BAIAP2: variants seen among roughly 807,000 people sequenced by gnomAD.
BAIAP2 encodes the protein BAR/IMD domain-containing adapter protein 2.
Under a neutral mutation model 63.0 loss-of-function variants are expected in BAIAP2, and 18 were observed. That is an observed-to-expected ratio of 0.29 (90% confidence interval 0.20 to 0.42). The LOEUF (loss-of-function observed/expected upper bound fraction) is 0.42. BAIAP2 is among the 10% of genes least tolerant of loss of function. BAIAP2 has a pLI of 1.00. For synonymous variants in BAIAP2, 386 were observed against 307.6 expected (o/e 1.25, Z -2.67); for missense variants, 610 against 734.3 (o/e 0.83, Z 1.96).
intron 7 of BAIAP2, among the ~76,000 whole-genome samples, chr17:81,101,775 C>CAGGCAA (rs2058521747): frequency 6.6e-6 from 1 of 152,260 alleles, no homozygotes; most frequent in Admixed American, 6.5e-5. Context: ...TGGGCAGGTG[C>CAGGCAA]AGGCAAGGAC....
At chr17:81,053,349 G>A (rs922158624) in intron 1 of BAIAP2, 2 of 301,908 alleles carry the variant, frequency 6.6e-6, no homozygotes, top group South Asian at 4.4e-5. Flanking sequence ...CGGCAGCGGC[G>A]CGTCTGAGCG....
chr17:81,046,616 C>G lies in BAIAP2; in HGVS notation c.55-7052C>G, dbSNP rs1201437109. Among the ~76,000 whole-genome samples the G allele has an allele frequency of 6.6e-6, 1 of 152,080 alleles. No homozygotes were observed. The highest frequency in any genetic ancestry group is 1.5e-5 in the Non-Finnish European group (1 of 68,008). On this transcript the variant is annotated intron_variant, in intron 1 of 13. Coordinates refer to ENST00000428708, the MANE Select transcript of BAIAP2 (RefSeq NM_001144888.2). The surrounding 1 kb of genome is among the most constrained non-coding windows in gnomAD (Gnocchi z 4.5). The stretch of plus-strand genomic sequence containing the variant: ...CCGATGCTCTCTGCCCACAGAAGTC[C>G]CCCAACCCCCCTGGCAGCCAAGGGA...
At chr17:81,038,836 G>A (rs899000047) in intron 1 of BAIAP2, among the ~76,000 whole-genome samples, 1 of 152,194 alleles carries the variant, frequency 6.6e-6, no homozygotes, top group East Asian at 1.9e-4. Context: ...GACGGTGGGG[G>A]GTGGTCTCTG....
intron 13 of BAIAP2, chr17:81,109,551 G>A (rs1355532487): frequency 8.5e-5 from 84 of 985,198 alleles, no homozygotes; most frequent in East Asian, 1.1e-4. Flanking sequence ...TGGCCGCCCC[G>A]GCCCCTGTGG....
At chr17:81,047,898 G>A (rs1328463941) in intron 1 of BAIAP2, among the ~76,000 whole-genome samples, 17 of 152,248 alleles carry the variant, frequency 1.1e-4, no homozygotes, top group Admixed American at 1.0e-3. Context: ...GGATATATGT[G>A]CATGCATGGG....
Position 81,106,749 on chromosome 17 carries a change from C to T in BAIAP2, c.1342C>T (p.Gln448Ter). 1 of 1,612,600 alleles carries T rather than the reference C, an allele frequency of 6.2e-7. No homozygotes were observed. The highest frequency in any genetic ancestry group is 8.5e-7 in the Non-Finnish European group (1 of 1,179,776). ...DGSDRLHMSL[Q>*]QGKSSSTGNL... ...TCTGAGTCCCTGTCCCTACAGCCTG[C>T]AGCAAGGGAAGAGCAGCAGCACGGG... Residue 448 changes from glutamine to a stop codon, truncating the protein, a stop_gained, in exon 12 of 14, where the codon CAG becomes TAG. Coordinates refer to ENST00000428708, the MANE Select transcript of BAIAP2 (RefSeq NM_001144888.2). LOFTEE classifies it high-confidence loss of function.
intron 6 of BAIAP2, among the ~76,000 whole-genome samples, chr17:81,089,788 C>T (rs1416471105): frequency 2.0e-5 from 3 of 152,108 alleles, no homozygotes; most frequent in African/African-American, 7.2e-5. Context: ...GTGAGTGGGT[C>T]TGGGCGGGGA....
Position 81,057,964 on chromosome 17 carries a change from C to G in BAIAP2, c.214C>G (p.Leu72Val), listed in dbSNP as rs1345960849. The stretch of plus-strand genomic sequence containing the variant: ...CAGCGAGAGCCAGGGCTCCAAAGAA[C>G]TCGGTGAGACCCCCCCCCCCCCCCC... ...LASESQGSKE[L>V]GDVLFQMAEV... The change falls in exon 3 of 14, where the codon CTC becomes GTC. Residue 72 changes from leucine to valine, a missense_variant. Transcript: ENST00000428708. The G allele has an allele frequency of 1.6e-6, 2 of 1,240,274 alleles. No homozygotes were observed. The highest frequency in any genetic ancestry group is 4.4e-5 in the Admixed American group (2 of 45,350). The allele number at this position is 1,240,274 out of a possible 1,614,324, so 76.8% of individuals were successfully genotyped here.
chr17:81,041,953 A>C (rs1210286714), intron 1 of BAIAP2, among the ~76,000 whole-genome samples: 2 of 152,084 alleles, frequency 1.3e-5, no homozygotes, highest in Non-Finnish European at 2.9e-5. Flanking sequence ...CTTATTTTTC[A>C]TGAAGAGTTT....
Position 81,116,037 on chromosome 17 carries a change from G to A in BAIAP2, c.*198G>A. On this transcript the variant is annotated 3_prime_UTR_variant, in exon 14 of 14. Transcript: ENST00000428708. ...GCAGAGTGGGGCGCAGGCCCCTGAA[G>A]GGCGAGACCCAGTGGCTGGGCTGCC... 2.1e-6 allele frequency: 3 copies of A among 1,458,574 alleles called. No individual in the cohort carries two copies. The highest frequency in any genetic ancestry group is 2.7e-6 in the Non-Finnish European group (3 of 1,108,748). The allele number at this position is 1,458,574 out of a possible 1,614,324, so 90.4% of individuals were successfully genotyped here.
intron 6 of BAIAP2, among the ~76,000 whole-genome samples, chr17:81,094,965 G>A (rs892264220): frequency 1.3e-5 from 2 of 152,238 alleles, no homozygotes; most frequent in Non-Finnish European, 2.9e-5. Flanking sequence ...AGCCGCCTTG[G>A]TTTTTTCTGG....
At chr17:81,068,098 G>A (rs950554758) in intron 3 of BAIAP2, among the ~76,000 whole-genome samples, 4 of 152,238 alleles carry the variant, frequency 2.6e-5, no homozygotes, top group Admixed American at 2.6e-4. Context: ...CATGCACTTT[G>A]GGTGGTGCCA....
At position 81,059,773 on chromosome 17, in the gene BAIAP2, A is replaced by G. The variant is rs114414108; in HGVS notation, c.217+1806A>G. 4.5e-3 allele frequency among the ~76,000 whole-genome samples: 680 copies of G among 152,230 alleles called. 3 individuals carry two copies. The highest frequency in any genetic ancestry group is 0.015 in the African/African-American group (634 of 41,534). On this transcript the variant is annotated intron_variant, in intron 3 of 13. Transcript: ENST00000428708. ...GCTGAAAGAGGCATTGTCTTACCAT[A>G]ATTAACCAGGTGTTGAGGAGATGAG...
rs749893920 is a variant in BAIAP2 at position 81,090,880 on chromosome 17, C to T, written c.489+4300C>T. Among the ~76,000 whole-genome samples, 4 of 152,140 alleles carry T rather than the reference C, an allele frequency of 2.6e-5. No homozygotes were observed. The East Asian group carries it at 5.8e-4, about 22-fold the overall frequency. On this transcript the variant is annotated intron_variant, in intron 6 of 13. Coordinates refer to ENST00000428708, the MANE Select transcript of BAIAP2 (RefSeq NM_001144888.2). ...CTGGTTCCCATTGCCTTTGCAAACC[C>T]GGCCAGCGGGCTCTGTGGGACTTCT...
intron 3 of BAIAP2, among the ~76,000 whole-genome samples, chr17:81,069,624 C>T (rs993635308): frequency 9.9e-5 from 15 of 152,146 alleles, no homozygotes; most frequent in Non-Finnish European, 1.6e-4. Context: ...GTGTAGTCTG[C>T]GAGGCCCCTG....
chr17:81,035,858 T>TC (rs1324277629), intron 1 of BAIAP2: 2 of 152,130 alleles, frequency 1.3e-5, no homozygotes. Context: ...GGCTTTCCCT[T>TC]CCCACAACTC....
intron 9 of BAIAP2, 67 bp downstream of exon 9, chr17:81,104,175 C>T: frequency 1.3e-6 from 2 of 1,541,810 alleles, no homozygotes; most frequent in African/African-American, 1.4e-5. Flanking sequence ...TACAGTCATG[C>T]CACAACCCTC....
intron 10 of BAIAP2, chr17:81,105,389 A>G (rs1472369756): frequency 6.5e-6 from 1 of 154,036 alleles, no homozygotes; most frequent in African/African-American, 2.4e-5. Flanking sequence ...TCGCAGGTGC[A>G]GAGCAGGGCT....
Position 81,077,192 on chromosome 17 carries a change from G to A in BAIAP2, c.218-7640G>A, listed in dbSNP as rs915286474. Reference sequence around the variant, plus strand: ...TCTCTTCGGGGTGATGAAAGTGTCCGGGCAGTCAGCTAGCTCAACTGGTGA... The same window carrying A: ...TCTCTTCGGGGTGATGAAAGTGTCCAGGCAGTCAGCTAGCTCAACTGGTGA... On this transcript the variant is annotated intron_variant, in intron 3 of 13. Coordinates refer to ENST00000428708, the MANE Select transcript of BAIAP2 (RefSeq NM_001144888.2). Among the ~76,000 whole-genome samples the A allele has an allele frequency of 3.9e-5, 6 of 152,162 alleles. No homozygotes were observed. The East Asian group carries it at 1.2e-3, about 29-fold the overall frequency.
Sources: allele counts gnomAD v4.1 joint callset (sites outside exome capture counted in the v4.1 genomes callset), GRCh38; gene constraint gnomAD v4.1.1; non-coding constraint Gnocchi (gnomAD v3.1); transcripts MANE v1.5; gene names NCBI Gene and HGNC (gene_info 2026-07-23, HGNC 2026-07-21).